CTCF: variants seen among roughly 807,000 people sequenced by gnomAD.
CTCF encodes CCCTC-binding factor.
In CTCF, 7 loss-of-function variants were observed where a neutral mutation model predicts 72.3. The observed-to-expected ratio is 0.10, with a 90% CI of 0.06 to 0.18. The LOEUF (loss-of-function observed/expected upper bound fraction) is 0.18, where lower values mean the gene tolerates loss of function less well. Ranked by LOEUF, CTCF falls within the 10% of genes least tolerant of loss-of-function variation. The pLI is 1.00. For missense variants in CTCF, 516 were observed against 949.1 expected, an observed-to-expected ratio of 0.54 and a Z score of 6.00; for synonymous variants, 374 against 315.8, an observed-to-expected ratio of 1.18 and a Z score of -1.95.
At chr16:67,631,680 A>AC (rs796178685) in intron 10 of CTCF, among the ~76,000 whole-genome samples, 3,303 of 57,170 alleles carry the variant, frequency 0.058, 100 homozygotes, top group Non-Finnish European at 0.086. Context: ...GGTCCCCCCC[A>AC]CCCCCCCCCC....
intron 2 of CTCF, among the ~76,000 whole-genome samples, chr16:67,585,798 T>C (rs537831146): frequency 5.9e-5 from 9 of 152,316 alleles, no homozygotes; most frequent in African/African-American, 1.9e-4. Flanking sequence ...TTTTATCTCT[T>C]ATATCTTTCT....
intron 10 of CTCF, among the ~76,000 whole-genome samples, chr16:67,633,930 A>G (rs1184152287): frequency 6.6e-6 from 1 of 151,924 alleles, no homozygotes; most frequent in Non-Finnish European, 1.5e-5. Flanking sequence ...AGGTAGGGGG[A>G]TCATGAGAAT....
At chr16:67,624,993 C>T (rs914562717) in intron 7 of CTCF, among the ~76,000 whole-genome samples, 4 of 152,030 alleles carry the variant, frequency 2.6e-5, no homozygotes, top group East Asian at 3.9e-4. Flanking sequence ...GGCGCGATCT[C>T]GGCTCACTGC....
chr16:67,594,007 A>C (rs1336756043), intron 2 of CTCF, among the ~76,000 whole-genome samples: 1 of 152,178 alleles, frequency 6.6e-6, no homozygotes, highest in African/African-American at 2.4e-5. Context: ...AAACCTTAAT[A>C]TCTTCAAAAA....
intron 2 of CTCF, among the ~76,000 whole-genome samples, chr16:67,584,293 G>C (rs1484960930): frequency 4.0e-5 from 6 of 148,492 alleles, no homozygotes; most frequent in Admixed American, 3.3e-4. Context: ...TTGCGCTCCA[G>C]CCTGGATGAC....
intron 2 of CTCF, among the ~76,000 whole-genome samples, chr16:67,604,953 G>T (rs1314090545): frequency 7.0e-6 from 1 of 142,522 alleles, no homozygotes; most frequent in Non-Finnish European, 1.5e-5. Context: ...ACAATCAGAG[G>T]TATAAATGGG....
Position 67,574,709 on chromosome 16 carries a change from A to G in CTCF, c.-10+3445A>G, listed in dbSNP as rs1187746111. On this transcript the variant is annotated intron_variant, in intron 2 of 11. Transcript: ENST00000264010. ...AGTCTTGCTCTGTTGCCCAGGCTGA[A>G]GTGCAGTGGTGCAATCTTGGCTCAC... Among the ~76,000 whole-genome samples, 16 of 132,538 alleles carry G rather than the reference A, an allele frequency of 1.2e-4. No individual in the cohort carries two copies. In the Admixed American group the frequency reaches 1.3e-3, roughly 11 times the overall value. The allele number at this position is 132,538 out of a possible 152,430, so 87.0% of individuals were successfully genotyped here.
At chr16:67,567,862 C>A (rs925945628) in intron 1 of CTCF, 1 of 141,972 alleles carries the variant, frequency 7.0e-6, no homozygotes, top group Non-Finnish European at 1.5e-5. Flanking sequence ...AAAGTGTTGA[C>A]GTTACAGGTG....
At chr16:67,605,624 C>T (rs2142805676) in intron 2 of CTCF, among the ~76,000 whole-genome samples, 1 of 152,362 alleles carries the variant, frequency 6.6e-6, no homozygotes, top group South Asian at 2.1e-4. Context: ...TCAAGCCCGG[C>T]TTTTGCCCTT....
intron 1 of CTCF, among the ~76,000 whole-genome samples, chr16:67,568,896 G>A (rs1193431633): frequency 6.6e-6 from 1 of 151,948 alleles, no homozygotes; most frequent in Non-Finnish European, 1.5e-5. Context: ...GGAGTGCAGT[G>A]GTGTGATCTT....
At chr16:67,595,515 A>G (rs2051799418) in intron 2 of CTCF, among the ~76,000 whole-genome samples, 1 of 152,164 alleles carries the variant, frequency 6.6e-6, no homozygotes, top group South Asian at 2.1e-4. Context: ...AAGAAGCCAA[A>G]AAAGCATATA....
chr16:67,616,895 T>C lies in CTCF; in HGVS notation c.1086+17T>C, dbSNP rs762258195. 2 of 1,613,450 alleles carry C rather than the reference T, an allele frequency of 1.2e-6. No homozygotes were observed. The highest frequency in any genetic ancestry group is 1.7e-6 in the Non-Finnish European group (2 of 1,179,506). The stretch of plus-strand genomic sequence containing the variant: ...AGTGTAGAAGTGAGTGTTCAGCTTT[T>C]TGTTGGTATCTCTCTTAGGCAGACC... On this transcript the variant is annotated intron_variant, in intron 5 of 11. Coordinates refer to ENST00000264010, the MANE Select transcript of CTCF (RefSeq NM_006565.4).
intron 1 of CTCF, among the ~76,000 whole-genome samples, chr16:67,563,133 G>A (rs2051299978): frequency 6.6e-6 from 1 of 151,984 alleles, no homozygotes; most frequent in Admixed American, 6.5e-5. Context: ...CCCCAGCTGA[G>A]ACACTATCTC....
chr16:67,578,489 T>A (rs1413614830), intron 2 of CTCF, among the ~76,000 whole-genome samples: 3 of 151,744 alleles, frequency 2.0e-5, no homozygotes, highest in African/African-American at 7.3e-5. Context: ...TGTGCGGCCA[T>A]GCCCAGCGAA....
intron 2 of CTCF, among the ~76,000 whole-genome samples, chr16:67,591,763 A>G (rs560389460): frequency 2.0e-4 from 30 of 152,208 alleles, no homozygotes; most frequent in Admixed American, 3.9e-4. Flanking sequence ...GCTGTCACTC[A>G]GACTGGAATG....
chr16:67,604,730 GTT>G (rs533827293), intron 2 of CTCF, among the ~76,000 whole-genome samples: 16 of 123,748 alleles, frequency 1.3e-4, no homozygotes, highest in African/African-American at 3.4e-4. Context: ...TTTCACCAGG[GTT>G]TTTTTTTTTT....
chr16:67,618,435 T>C (rs181114041), intron 5 of CTCF, among the ~76,000 whole-genome samples: 13 of 152,294 alleles, frequency 8.5e-5, no homozygotes, highest in Admixed American at 6.5e-4. Context: ...ACCAGAAATG[T>C]ATAATAAACT....
In CTCF at chr16:67,637,694, C is replaced by G. The variant is rs1597734156; in HGVS notation, c.2006C>G (p.Ala669Gly). ...TNQPKQNQPT[A>G]IIQVEDQNTG... ...CTGTGCTCTTCTTTGCCAGCAACAG[C>G]TATCATTCAGGTTGAAGACCAGAAT... Residue 669 changes from alanine (A) to glycine (G), a missense_variant, in exon 12 of 12, where the codon GCT (alanine) becomes GGT (glycine). Transcript: ENST00000264010. The G allele has an allele frequency of 6.2e-7, 1 of 1,611,796 alleles. No homozygotes were observed. The highest frequency in any genetic ancestry group is 8.5e-7 in the Non-Finnish European group (1 of 1,178,592).
Position 67,616,891 on chromosome 16 carries a change from C to CT in CTCF, c.1086+18dup, listed in dbSNP as rs2052138498. 1 of 1,613,702 alleles carries CT rather than the reference C, an allele frequency of 6.2e-7. No individual in the cohort carries two copies. The highest frequency in any genetic ancestry group is 2.2e-5 in the East Asian group (1 of 44,868). On this transcript the variant is annotated intron_variant, in intron 5 of 11. Coordinates refer to ENST00000264010, the MANE Select transcript of CTCF (RefSeq NM_006565.4). The stretch of plus-strand genomic sequence containing the variant: ...CGCCAGTGTAGAAGTGAGTGTTCAG[C>CT]TTTTTGTTGGTATCTCTCTTAGGCA...
Sources: gnomAD v4.1 joint callset for allele counts (sites outside exome capture counted in the v4.1 genomes callset) on GRCh38, gnomAD v4.1.1 for gene constraint, MANE v1.5 for transcripts, NCBI Gene and HGNC (gene_info 2026-07-23, HGNC 2026-07-21) for gene names.